The following INF2 variants were observed in gnomAD, a reference collection of about 807,000 sequenced individuals.
INF2 encodes inverted formin 2.
Under a neutral mutation model 123.5 loss-of-function variants are expected in INF2, and 43 were observed. The observed-to-expected ratio is 0.35, with a 90% CI of 0.27 to 0.45. The LOEUF (loss-of-function observed/expected upper bound fraction) is 0.45. INF2 is among the 20% of genes least tolerant of loss of function. The pLI is 1.00. For missense variants in INF2, 1,453 were observed against 1,682.7 expected (o/e 0.86, Z 2.39); for synonymous variants, 851 against 745.0 (o/e 1.14, Z -2.32).
intron 22 of INF2, chr14:104,715,859 C>A (rs2140706189): frequency 2.2e-6 from 1 of 458,118 alleles, no homozygotes; most frequent in African/African-American, 2.0e-5. Flanking sequence ...CCGGGACAGT[C>A]GCAAGGGCAG....
chr14:104,688,118 G>A (rs765485885), upstream of INF2, among the ~76,000 whole-genome samples: 13 of 152,396 alleles, frequency 8.5e-5, no homozygotes, highest in South Asian at 4.1e-4. Context: ...CGGCCTTCCA[G>A]GTGCATTCCA....
intron 10 of INF2, among the ~76,000 whole-genome samples, 165 bp downstream of exon 10, chr14:104,708,897 G>C (rs1424274412): frequency 1.4e-5 from 2 of 146,830 alleles, no homozygotes; most frequent in Non-Finnish European, 3.1e-5. Flanking sequence ...GCCCCAGCTA[G>C]GGGCTGTCCA....
chr14:104,701,421 G>A lies in INF2; in HGVS notation c.56G>A (p.Gly19Glu). The change falls in exon 2 of 23, where the codon GGG becomes GAG. Residue 19 changes from glycine to glutamate, a missense_variant. Coordinates refer to ENST00000392634, the MANE Select transcript of INF2 (RefSeq NM_022489.4). Reference sequence around the variant, plus strand: ...TGGGCAGCGCTGAAGGAGAAGCTGGGGCCACAGGATTCGGACCCCACGGAG... The same window carrying A: ...TGGGCAGCGCTGAAGGAGAAGCTGGAGCCACAGGATTCGGACCCCACGGAG... ...RKWAALKEKL[G>E]PQDSDPTEAN... is the part of the protein sequence containing the mutation. The A allele has an allele frequency of 6.3e-7, 1 of 1,596,150 alleles. No homozygotes were observed. The highest frequency in any genetic ancestry group is 8.5e-7 in the Non-Finnish European group (1 of 1,171,168).
intron 13 of INF2, 70 bp downstream of exon 13, chr14:104,710,258 G>A (rs1595174572): frequency 2.2e-5 from 25 of 1,143,738 alleles, no homozygotes; most frequent in East Asian, 5.2e-5. Flanking sequence ...AGGGCTGCTC[G>A]GGGCCCCTGC....
Position 104,707,677 on chromosome 14 carries a change from C to T in INF2, c.1410C>T (p.Ala470=). 3.1e-6 allele frequency: 3 copies of T among 954,720 alleles called. No individual in the cohort carries two copies. Among genetic ancestry groups the T allele is most frequent in the Non-Finnish European group, 4.7e-6 (3 of 633,788 alleles). 59.1% of individuals were successfully genotyped at this position (954,720 alleles called of 1,614,324 possible). A position where few individuals can be genotyped will look rare whatever the true frequency, so the allele number is the denominator to read the frequency against. Residue 470 remains alanine (A), a synonymous_variant, in exon 8 of 23, where the codon GCC becomes GCT. Transcript: ENST00000392634. ...PPPLPGLGAM[A]PPAPPLPPPL... ...CCCTGCCAGGCCTGGGGGCCATGGCCCCCCCAGCACCTCCTCTACCACCAC... is the reference window on the plus strand; with the variant it reads ...CCCTGCCAGGCCTGGGGGCCATGGCTCCCCCAGCACCTCCTCTACCACCAC...
chr14:104,708,329 C>G, intron 8 of INF2, 107 bp from the exon 9 acceptor site: 5 of 1,419,852 alleles, frequency 3.5e-6, no homozygotes, highest in Non-Finnish European at 4.8e-6. Flanking sequence ...CTACTGGGCC[C>G]CAGGCAGGAC....
intron 1 of INF2, chr14:104,690,844 G>A (rs1017470252): frequency 5.3e-5 from 8 of 152,312 alleles, no homozygotes; most frequent in African/African-American, 1.9e-4. Context: ...GTGCCACCCA[G>A]CCAGGGGCTT....
rs1406257835 is a variant in INF2 at position 104,684,421 on chromosome 14, A to C, written c.-104+2839A>C. Reference sequence around the variant, plus strand: ...AACGAAATATTTCATAGAAATCAAGAAACATGAGTGAACGATGCACACCAC... The same window carrying C: ...AACGAAATATTTCATAGAAATCAAGCAACATGAGTGAACGATGCACACCAC... On this transcript the variant is annotated intron_variant, in intron 1 of 2. Transcript: ENST00000674723. This position sits in a 1 kb window ranked among gnomAD's most constrained non-coding sequence, Gnocchi z 5.0. 1 of 270,868 alleles carries C rather than the reference A, an allele frequency of 3.7e-6. No homozygotes were observed. The highest frequency in any genetic ancestry group is 2.2e-5 in the African/African-American group (1 of 44,862). The allele number at this position is 270,868 out of a possible 1,614,324, so 16.8% of individuals were successfully genotyped here. A position where few individuals can be genotyped will look rare whatever the true frequency, so the allele number is the denominator to read the frequency against.
chr14:104,707,552 CT>C lies in INF2; in HGVS notation c.1286del (p.Leu429ArgfsTer129). ...CCCACCCCCACCCCCACCCCCACCC[CT>C]GCTCCCTGGTTCCAGTGCCGAGCCC... The part of the protein sequence containing the change: ...STPPPPPPPP[L>X]LPGSSAEPPP... On this transcript the variant is annotated frameshift_variant, in exon 8 of 23. Coordinates refer to ENST00000392634, the MANE Select transcript of INF2 (RefSeq NM_022489.4). LOFTEE classifies it high-confidence loss of function. The C allele has an allele frequency of 8.3e-7, 1 of 1,208,338 alleles. No individual in the cohort carries two copies. The highest frequency in any genetic ancestry group is 1.1e-6 in the Non-Finnish European group (1 of 920,186). The allele number at this position is 1,208,338 out of a possible 1,614,324, so 74.9% of individuals were successfully genotyped here.
intron 5 of INF2, among the ~76,000 whole-genome samples, chr14:104,705,097 C>A (rs1889718164): frequency 1.3e-5 from 2 of 152,192 alleles, no homozygotes; most frequent in South Asian, 2.1e-4. Flanking sequence ...CTTGGAGGAG[C>A]CCAGGGCTAG....
chr14:104,712,860 G>C lies in INF2; in HGVS notation c.2643G>C (p.Glu881Asp). 6.2e-7 allele frequency: 1 copy of C among 1,612,478 alleles called. No homozygotes were observed. Among genetic ancestry groups the C allele is most frequent in the Non-Finnish European group, 8.5e-7 (1 of 1,179,662 alleles). Residue 881 changes from glutamate to aspartate, a missense_variant, in exon 18 of 23, where the codon GAG becomes GAC. By Grantham distance (45) the Glu-to-Asp change is conservative (BLOSUM62 2). Transcript: ENST00000392634. ...TCTCGGCCTTCCGGGCACTGGATGAGCTGTTTGAGGCCATCGAGCAGAAGC... is the reference window on the plus strand; with the variant it reads ...TCTCGGCCTTCCGGGCACTGGATGACCTGTTTGAGGCCATCGAGCAGAAGC... ...ASISAFRALD[E>D]LFEAIEQKQR...
chr14:104,709,324 A>G lies in INF2; in HGVS notation c.1993A>G (p.Thr665Ala). 1.2e-6 allele frequency: 2 copies of G among 1,613,068 alleles called. No individual in the cohort carries two copies. Among genetic ancestry groups the G allele is most frequent in the Non-Finnish European group, 1.7e-6 (2 of 1,179,810 alleles). The change falls in exon 11 of 23, where the codon ACC becomes GCC. Residue 665 changes from threonine to alanine, a missense_variant. This residue lies in a region of INF2 where 192 missense variants were observed against 274.4 expected (regional missense o/e 0.70). Coordinates refer to ENST00000392634, the MANE Select transcript of INF2 (RefSeq NM_022489.4). ...VAAMIRAGDT[T>A]KFDVEVLKQL... ...TGCTATGATCCGGGCTGGAGATACC[A>G]CCAAGTTTGATGTGGAGGTTCTCAA...
intron 1 of INF2, among the ~76,000 whole-genome samples, chr14:104,693,874 C>G (rs1219914655): frequency 1.3e-5 from 2 of 152,226 alleles, no homozygotes; most frequent in African/African-American, 4.8e-5. Flanking sequence ...TGTTCCTGCT[C>G]CAGGCACAGC....
intron 1 of INF2, among the ~76,000 whole-genome samples, 196 bp downstream of exon 1, chr14:104,689,935 G>A (rs751715901): frequency 4.7e-4 from 71 of 151,900 alleles, no homozygotes; most frequent in Non-Finnish European, 9.0e-4. Context: ...CCGGCTCCGC[G>A]CGCCCCGCTC....
Position 104,721,715 on chromosome 14 carries a change from T to G in INF2, c.*2922T>G, listed in dbSNP as rs969784787. On this transcript the variant is annotated 3_prime_UTR_variant, in exon 23 of 23. Coordinates refer to ENST00000392634, the MANE Select transcript of INF2 (RefSeq NM_022489.4). The stretch of plus-strand genomic sequence containing the variant: ...AGGTCATCTGCAGCAAGTGAGACCA[T>G]CGCCCCTCCTGCCTGGAGAGGTGGG... 2.6e-5 allele frequency: 4 copies of G among 152,254 alleles called. No individual in the cohort carries two copies. The highest frequency in any genetic ancestry group is 4.4e-5 in the Non-Finnish European group (3 of 68,088). The allele number at this position is 152,254 out of a possible 1,614,324, so 9.4% of individuals were successfully genotyped here.
Position 104,718,963 on chromosome 14 carries a change from G to T in INF2, c.*170G>T. On this transcript the variant is annotated 3_prime_UTR_variant, in exon 23 of 23. Coordinates refer to ENST00000392634, the MANE Select transcript of INF2 (RefSeq NM_022489.4). ...CCTGGAGCCTTCTTGGGGTGTTGTG[G>T]CTGGGAACCCGACAGGCACCAGTGC... is the stretch of plus-strand genomic sequence containing the variant. 4.3e-6 allele frequency: 6 copies of T among 1,410,396 alleles called. No individual in the cohort carries two copies. Among genetic ancestry groups the T allele is most frequent in the South Asian group, 1.5e-5 (1 of 64,636 alleles). The allele number at this position is 1,410,396 out of a possible 1,614,324, so 87.4% of individuals were successfully genotyped here.
intron 1 of INF2, among the ~76,000 whole-genome samples, chr14:104,700,654 G>C (rs1439466827): frequency 1.3e-5 from 2 of 152,144 alleles, no homozygotes. Flanking sequence ...GGCTGGGCCT[G>C]TTACCTACCC....
chr14:104,688,768 C>CA (rs1301593146), upstream of INF2, among the ~76,000 whole-genome samples: 5 of 152,244 alleles, frequency 3.3e-5, no homozygotes, highest in Non-Finnish European at 7.3e-5. Context: ...AAACCCCAGG[C>CA]CTGGTGCGCT....
intron 1 of INF2, among the ~76,000 whole-genome samples, chr14:104,695,149 C>T (rs1001070340): frequency 4.6e-5 from 7 of 152,114 alleles, no homozygotes; most frequent in Non-Finnish European, 1.0e-4. Context: ...ACGTCTGGGG[C>T]CTGCGATAGG....
Sources: gnomAD v4.1 joint callset for allele counts (sites outside exome capture counted in the v4.1 genomes callset) on GRCh38, gnomAD v4.1.1 for gene constraint, gnomAD v4.1.1 regional missense constraint, Gnocchi (gnomAD v3.1) non-coding constraint, MANE v1.5 for transcripts, NCBI Gene and HGNC (gene_info 2026-07-23, HGNC 2026-07-21) for gene names.